KICS2: variants seen among roughly 807,000 people sequenced by gnomAD.
The protein encoded by KICS2 is KICSTOR subunit 2.
In KICS2, 13 loss-of-function variants were observed where a neutral mutation model predicts 31.4. The ratio of observed to expected loss-of-function variants is 0.41; its 90% confidence interval spans 0.27 to 0.66. The LOEUF is 0.66. KICS2 is among the 30% of genes least tolerant of loss of function. KICS2 has a pLI of 0.28. For synonymous variants in KICS2, 209 were observed against 214.8 expected, an observed-to-expected ratio of 0.97 and a Z score of 0.24; for missense variants, 455 against 545.4, an observed-to-expected ratio of 0.83 and a Z score of 1.65.
chr12:64,196,923 A>G (rs1592380280), intron 2 of KICS2, among the ~76,000 whole-genome samples: 1 of 148,044 alleles, frequency 6.8e-6, no homozygotes, highest in South Asian at 2.2e-4. Flanking sequence ...AGAAATCAGC[A>G]AAGCCTCCAA....
At chr12:64,221,052 A>G (rs1038459177) in intron 1 of KICS2, among the ~76,000 whole-genome samples, 79 of 147,614 alleles carry the variant, frequency 5.4e-4, no homozygotes, top group African/African-American at 1.9e-3. Flanking sequence ...AAAGCTCAAT[A>G]AGATGTACAT....
chr12:64,192,550 G>A lies in KICS2; in HGVS notation c.*1292C>T, dbSNP rs2037389212. On this transcript the variant is annotated 3_prime_UTR_variant, in exon 3 of 3. Coordinates refer to ENST00000398055, the MANE Select transcript of KICS2 (RefSeq NM_152440.5). ...TGCTGTGGACACCCAGTAAAACAGT[G>A]GCTCCACACAATCATGGGAAAAAAG... 3.2e-6 allele frequency: 3 copies of A among 948,806 alleles called. No individual in the cohort carries two copies. In the South Asian group the frequency reaches 1.5e-4, roughly 46 times the overall value. The allele number at this position is 948,806 out of a possible 1,614,324, so 58.8% of individuals were successfully genotyped here.
intron 2 of KICS2, among the ~76,000 whole-genome samples, chr12:64,195,842 A>G (rs897762062): frequency 6.6e-6 from 1 of 152,222 alleles, no homozygotes; most frequent in Non-Finnish European, 1.5e-5. Context: ...GGGGTGACGG[A>G]CGCACCTGGA....
At chr12:64,219,776 A>G (rs1162598400) in intron 1 of KICS2, among the ~76,000 whole-genome samples, 1 of 152,192 alleles carries the variant, frequency 6.6e-6, no homozygotes, top group African/African-American at 2.4e-5. Context: ...TTATTTGTCA[A>G]TTATATCTCA....
rs183833474 is a variant in KICS2, at chr12:64,216,319, C to T, written c.236-356G>A. Among the ~76,000 whole-genome samples, 58 of 152,276 alleles carry T rather than the reference C, an allele frequency of 3.8e-4. No homozygotes were observed. The Middle Eastern group carries it at 0.01, about 27-fold the overall frequency. ...ATTCAATGAGGATTCAGATTTACTT[C>T]AGAGCATAATTAACCTAGCAAATAA... On this transcript the variant is annotated intron_variant, in intron 1 of 2. Coordinates refer to ENST00000398055, the MANE Select transcript of KICS2 (RefSeq NM_152440.5).
downstream of KICS2, chr12:64,186,429 A>T (rs1224559649): frequency 1.3e-5 from 2 of 152,246 alleles, no homozygotes; most frequent in Non-Finnish European, 2.9e-5. Flanking sequence ...AGCAAAAGGA[A>T]TCAAACAATA....
At chr12:64,194,796 A>G in intron 2 of KICS2, 138 bp from the exon 3 acceptor site, 1 of 1,108,438 alleles carries the variant, frequency 9.0e-7, no homozygotes, top group Non-Finnish European at 1.2e-6. Flanking sequence ...TGGAGGAACT[A>G]CATGTTGATT....
At chr12:64,204,112 A>G (rs953384232) in intron 2 of KICS2, among the ~76,000 whole-genome samples, 1 of 152,264 alleles carries the variant, frequency 6.6e-6, no homozygotes, top group Non-Finnish European at 1.5e-5. Context: ...AGGAACAGAA[A>G]ACTAAACACT....
chr12:64,194,710 C>T (rs1339179355), intron 2 of KICS2, 52 bp from the exon 3 acceptor site: 1 of 1,522,240 alleles, frequency 6.6e-7, no homozygotes, highest in African/African-American at 1.4e-5. Context: ...TCACTTGCCA[C>T]ACTGACATTT....
Position 64,194,169 on chromosome 12 carries a change from T to G in KICS2, c.1011A>C (p.Arg337Ser). Residue 337 changes from arginine (R) to serine (S), a missense_variant, in exon 3 of 3, where the codon AGA becomes AGC. Arg to Ser is a moderately radical substitution (Grantham distance 110). Transcript: ENST00000398055. ...ACTGGTCCACACCCTTGGGGGCCTC[T>G]CTGTAGGAATGGGGGTGGTGATAAC... Reference protein sequence around the residue: ...GHGYHHPHSYREAPKGVDQYP... With the variant: ...GHGYHHPHSYSEAPKGVDQYP... 6.2e-7 allele frequency: 1 copy of G among 1,614,118 alleles called. No individual in the cohort carries two copies.
chr12:64,188,439 G>C (rs1341430412), downstream of KICS2, among the ~76,000 whole-genome samples: 1 of 151,848 alleles, frequency 6.6e-6, no homozygotes, highest in Non-Finnish European at 1.5e-5. Context: ...CACGAGAATT[G>C]CTTGAACCAG....
intron 2 of KICS2, chr12:64,204,699 CT>C (rs1347895271): frequency 1.3e-5 from 2 of 151,998 alleles, no homozygotes; most frequent in African/African-American, 2.4e-5. Context: ...GGGAGGATTG[CT>C]TGACCCTGGG....
chr12:64,221,654 G>A lies in KICS2; in HGVS notation c.235+349C>T, dbSNP rs1346624570. The A allele has an allele frequency of 1.4e-5, 5 of 350,494 alleles. No individual in the cohort carries two copies. The East Asian group carries it at 1.8e-4, about 12-fold the overall frequency. The allele number at this position is 350,494 out of a possible 1,614,324, so 21.7% of individuals were successfully genotyped here. On this transcript the variant is annotated intron_variant, in intron 1 of 2. Transcript: ENST00000398055. Reference sequence around the variant, plus strand: ...GAACTAGGTTGTTTTGCAAAGTTTTGCTCTTCTGGCTGCAGCGTCACTAAT... The same window carrying A: ...GAACTAGGTTGTTTTGCAAAGTTTTACTCTTCTGGCTGCAGCGTCACTAAT...
chr12:64,216,903 A>G (rs958186098), intron 1 of KICS2, among the ~76,000 whole-genome samples: 1 of 151,692 alleles, frequency 6.6e-6, no homozygotes, highest in African/African-American at 2.4e-5. Context: ...AAAGAAAAAA[A>G]GAAACAGGGC....
downstream of KICS2, among the ~76,000 whole-genome samples, chr12:64,188,618 G>A (rs915292291): frequency 1.3e-5 from 2 of 151,912 alleles, no homozygotes; most frequent in South Asian, 4.1e-4. Context: ...AGGAAAAAAT[G>A]TGGAGGAAAA....
At chr12:64,217,524 C>T (rs2037640164) in intron 1 of KICS2, among the ~76,000 whole-genome samples, 1 of 151,296 alleles carries the variant, frequency 6.6e-6, no homozygotes, top group African/African-American at 2.4e-5. Flanking sequence ...TTTAGCCAGA[C>T]ATGGTGGCTC....
chr12:64,212,054 C>G (rs908293858), intron 2 of KICS2, among the ~76,000 whole-genome samples: 2 of 152,016 alleles, frequency 1.3e-5, no homozygotes, highest in African/African-American at 2.4e-5. Context: ...CAATCATATA[C>G]AGAGAGAGAT....
rs2037412866 is a variant in KICS2 at position 64,194,470 on chromosome 12, T to C, written c.710A>G (p.Lys237Arg). Residue 237 changes from lysine (K) to arginine (R), a missense_variant, in exon 3 of 3, where the codon AAG becomes AGG. Coordinates refer to ENST00000398055, the MANE Select transcript of KICS2 (RefSeq NM_152440.5). Reference sequence around the variant, plus strand: ...AGACTGCCCTCCAAACAGATGTTTCTTGGTCTCCCGCTGTTTCTCAAAGAT... The same window carrying C: ...AGACTGCCCTCCAAACAGATGTTTCCTGGTCTCCCGCTGTTTCTCAAAGAT... ...GQIFEKQRETKKHLFGGQSQK... is the reference protein window; with the variant it reads ...GQIFEKQRETRKHLFGGQSQK... 6.2e-7 allele frequency: 1 copy of C among 1,614,194 alleles called. No individual in the cohort carries two copies. Among genetic ancestry groups the C allele is most frequent in the Non-Finnish European group, 8.5e-7 (1 of 1,180,046 alleles).
chr12:64,187,824 A>G (rs1383489432), downstream of KICS2: 2 of 154,558 alleles, frequency 1.3e-5, no homozygotes, highest in African/African-American at 4.8e-5. Context: ...TACAATAATT[A>G]GTGCAAATAC....
Sources: allele counts gnomAD v4.1 joint callset (sites outside exome capture counted in the v4.1 genomes callset), GRCh38; gene constraint gnomAD v4.1.1; transcripts MANE v1.5; gene names NCBI Gene and HGNC (gene_info 2026-07-23, HGNC 2026-07-21).